The following RSBN1 variants were observed in gnomAD, a reference collection of about 807,000 sequenced individuals.
The protein encoded by RSBN1 is round spermatid basic protein 1, also known as lysine-specific demethylase 9.
RSBN1 carries 23 observed loss-of-function variants against 74.8 expected under a neutral mutation model. The observed-to-expected ratio is 0.31, with a 90% CI of 0.22 to 0.44. RSBN1 has a LOEUF of 0.44. Ranked by LOEUF, RSBN1 falls within the 20% of genes least tolerant of loss-of-function variation. The pLI, the probability that RSBN1 is intolerant of heterozygous loss-of-function variation, is 1.00. For missense variants in RSBN1, 808 were observed against 1,020.9 expected (o/e 0.79, Z 2.84); for synonymous variants, 407 against 379.6 (o/e 1.07, Z -0.84).
chr1:113,797,471 T>G lies in RSBN1; in HGVS notation c.1269A>C (p.Pro423=), dbSNP rs780981905. The G allele has an allele frequency of 1.9e-6, 3 of 1,614,064 alleles. No homozygotes were observed. In the South Asian group the frequency reaches 3.3e-5, roughly 18 times the overall value. ...AIVHGAAAYL[P]DFLDYFAFNF... is the part of the protein sequence containing the mutation. Reference sequence around the variant, plus strand: ...TAAAAGCAAAGTAGTCCAAGAAGTCTGGGAGATAAGCAGCCGCTCCATGCA... The same window carrying G: ...TAAAAGCAAAGTAGTCCAAGAAGTCGGGGAGATAAGCAGCCGCTCCATGCA... The change falls in exon 2 of 7, where the codon CCA becomes CCC. Residue 423 remains proline, a synonymous_variant. Coordinates refer to ENST00000261441, the MANE Select transcript of RSBN1 (RefSeq NM_018364.5).
Position 113,766,068 on chromosome 1 carries a change from G to A in RSBN1, c.2321C>T (p.Thr774Ile), listed in dbSNP as rs745846855. 6 of 1,613,966 alleles carry A rather than the reference G, an allele frequency of 3.7e-6. No individual in the cohort carries two copies. Among genetic ancestry groups the A allele is most frequent in the Non-Finnish European group, 5.1e-6 (6 of 1,179,966 alleles). The change falls in exon 7 of 7, where the codon ACT becomes ATT. Residue 774 changes from threonine to isoleucine, a missense_variant. By Grantham distance (89) the Thr-to-Ile change is moderately conservative (BLOSUM62 -1). Transcript: ENST00000261441. ...CACTTTTAAAACTGGAATAGGCTGA[G>A]TCTTCTGATCTTGCTGTAGATTAAG... ...SELNLQQDQK[T>I]QPIPVLKVES...
At chr1:113,787,312 TA>T (rs1336669321) in intron 2 of RSBN1, among the ~76,000 whole-genome samples, 3 of 152,174 alleles carry the variant, frequency 2.0e-5, no homozygotes, top group Non-Finnish European at 4.4e-5. Flanking sequence ...ATATCAAGGC[TA>T]AAATCCCAGA....
chr1:113,798,104 C>T (rs1660510392), intron 1 of RSBN1, 68 bp from the exon 2 acceptor site: 2 of 1,372,760 alleles, frequency 1.5e-6, no homozygotes, highest in African/African-American at 1.5e-5. Context: ...TCTTAAGGTA[C>T]TTGATCTCAT....
At position 113,761,874 on chromosome 1, in the gene RSBN1, AG is replaced by A. The variant is rs1659684822; in HGVS notation, c.*4105del. ...TTTTTTTATTAAAAAAATACTTTAC[AG>A]GAAAAAAAAAAACTATGCATTCCAT... On this transcript the variant is annotated 3_prime_UTR_variant, in exon 7 of 7. Transcript: ENST00000261441. 1 of 152,564 alleles carries A rather than the reference AG, an allele frequency of 6.6e-6. No homozygotes were observed. Among genetic ancestry groups the A allele is most frequent in the Non-Finnish European group, 1.5e-5 (1 of 67,996 alleles). The allele number at this position is 152,564 out of a possible 1,614,324, so 9.5% of individuals were successfully genotyped here. A position where few individuals can be genotyped will look rare whatever the true frequency, so the allele number is the denominator to read the frequency against.
intron 4 of RSBN1, among the ~76,000 whole-genome samples, chr1:113,773,435 A>T (rs1050707890): frequency 6.6e-6 from 1 of 151,542 alleles, no homozygotes; most frequent in Non-Finnish European, 1.5e-5. Context: ...GAGGCATGAG[A>T]TCACTTGAAC....
Position 113,768,403 on chromosome 1 carries a change from G to A in RSBN1, c.1659-14C>T. The A allele has an allele frequency of 6.4e-7, 1 of 1,561,318 alleles. No individual in the cohort carries two copies. The highest frequency in any genetic ancestry group is 1.9e-5 in the Admixed American group (1 of 53,172). Reference sequence around the variant, plus strand: ...TCATTCATTGATCTAGAGTTGATTTGGTTGTTAAACAAAGGGTAAGCAAGG... The same window carrying A: ...TCATTCATTGATCTAGAGTTGATTTAGTTGTTAAACAAAGGGTAAGCAAGG... On this transcript the variant is annotated splice_polypyrimidine_tract_variant and intron_variant, in intron 4 of 6. Coordinates refer to ENST00000261441, the MANE Select transcript of RSBN1 (RefSeq NM_018364.5).
At chr1:113,783,593 C>G (rs943952743) in intron 2 of RSBN1, among the ~76,000 whole-genome samples, 4 of 152,164 alleles carry the variant, frequency 2.6e-5, no homozygotes, top group African/African-American at 9.7e-5. Context: ...AAGCTAGGCT[C>G]CCTGACAGCT....
intron 4 of RSBN1, among the ~76,000 whole-genome samples, chr1:113,771,336 T>C (rs1448968930): frequency 6.6e-6 from 1 of 152,074 alleles, no homozygotes; most frequent in Non-Finnish European, 1.5e-5. Context: ...ATACCTCCTT[T>C]TTCTTAAGAC....
intron 1 of RSBN1, among the ~76,000 whole-genome samples, chr1:113,804,234 TATC>T (rs1660651751): frequency 6.6e-6 from 1 of 152,360 alleles, no homozygotes; most frequent in South Asian, 2.1e-4. Flanking sequence ...ATAAGTCTCT[TATC>T]ATCTTGATTA....
chr1:113,797,332 T>C (rs1379104160), intron 2 of RSBN1, 31 bp downstream of exon 2: 2 of 761,356 alleles, frequency 2.6e-6, no homozygotes, highest in South Asian at 1.7e-5. Context: ...GAATCGTATT[T>C]ACTAATTTTT....
intron 4 of RSBN1, 69 bp downstream of exon 4, chr1:113,777,141 G>T: frequency 7.0e-7 from 1 of 1,430,892 alleles, no homozygotes; most frequent in Non-Finnish European, 9.6e-7. Context: ...TTTTCAAACT[G>T]TGCTCATTTT....
chr1:113,779,997 G>A (rs1273588256), intron 2 of RSBN1, among the ~76,000 whole-genome samples: 2 of 151,912 alleles, frequency 1.3e-5, no homozygotes, highest in East Asian at 1.9e-4. Context: ...TCCAGCCTGG[G>A]CGACAGGGCA....
chr1:113,777,429 G>A (rs1660053898), intron 3 of RSBN1, 77 bp from the exon 4 acceptor site: 4 of 1,420,194 alleles, frequency 2.8e-6, no homozygotes, highest in Admixed American at 2.1e-5. Flanking sequence ...CCAAATAAAA[G>A]TTCTAAGAAG....
At position 113,763,527 on chromosome 1, in the gene RSBN1, G is replaced by A. The variant is rs916881412; in HGVS notation, c.*2453C>T. The A allele has an allele frequency of 1.1e-4, 17 of 152,726 alleles. No homozygotes were observed. The highest frequency in any genetic ancestry group is 5.2e-4 in the Admixed American group (8 of 15,292). The allele number at this position is 152,726 out of a possible 1,614,324, so 9.5% of individuals were successfully genotyped here. ...TACAGCTTTGAAAGCAGTAAAAAAC[G>A]CAAAACTTCTGCTTTTATACTCATC... On this transcript the variant is annotated 3_prime_UTR_variant, in exon 7 of 7. Coordinates refer to ENST00000261441, the MANE Select transcript of RSBN1 (RefSeq NM_018364.5).
intron 4 of RSBN1, among the ~76,000 whole-genome samples, chr1:113,769,189 T>A (rs1207503013): frequency 6.6e-6 from 1 of 152,136 alleles, no homozygotes; most frequent in Non-Finnish European, 1.5e-5. Context: ...CCAAAACCTT[T>A]AAAAACCCTC....
chr1:113,775,426 C>T (rs1266245197), intron 4 of RSBN1, among the ~76,000 whole-genome samples: 2 of 152,014 alleles, frequency 1.3e-5, no homozygotes, highest in Non-Finnish European at 2.9e-5. Context: ...ACTGCGACCT[C>T]GGCCTCCTGA....
intron 2 of RSBN1, among the ~76,000 whole-genome samples, chr1:113,782,132 C>T (rs1660150523): frequency 6.6e-6 from 1 of 152,174 alleles, no homozygotes; most frequent in Non-Finnish European, 1.5e-5. Context: ...TCTAAATATA[C>T]ATTTCGCAAA....
At position 113,761,943 on chromosome 1, in the gene RSBN1, T is replaced by TA. The variant is rs1209712685; in HGVS notation, c.*4036dup. ...AAATAGCTTAACAATTTAACACACT[T>TA]AGACAGCTACAAAAAAGCACTGTGT... is the stretch of plus-strand genomic sequence containing the variant. On this transcript the variant is annotated 3_prime_UTR_variant, in exon 7 of 7. Coordinates refer to ENST00000261441, the MANE Select transcript of RSBN1 (RefSeq NM_018364.5). The TA allele has an allele frequency of 6.5e-6, 1 of 152,678 alleles. No homozygotes were observed. The highest frequency in any genetic ancestry group is 6.5e-5 in the Admixed American group (1 of 15,280). 9.5% of individuals were successfully genotyped at this position (152,678 alleles called of 1,614,324 possible). A position where few individuals can be genotyped will look rare whatever the true frequency, so the allele number is the denominator to read the frequency against.
rs1255153678 is a variant in RSBN1, at chr1:113,811,613, G to C, written c.703+97C>G. On this transcript the variant is annotated intron_variant, in intron 1 of 6. Transcript: ENST00000261441. ...AGCTTAGAGAAGTACAGCAGCAGAA[G>C]GTAAGCAGGGGTTTGGCGTCTTTCA... is the stretch of plus-strand genomic sequence containing the variant. 3 of 1,465,996 alleles carry C rather than the reference G, an allele frequency of 2.0e-6. No homozygotes were observed. The Admixed American group carries it at 7.7e-5, about 38-fold the overall frequency. The allele number at this position is 1,465,996 out of a possible 1,614,324, so 90.8% of individuals were successfully genotyped here. A position where few individuals can be genotyped will look rare whatever the true frequency, so the allele number is the denominator to read the frequency against.
Sources: allele counts gnomAD v4.1 joint callset (sites outside exome capture counted in the v4.1 genomes callset), GRCh38; gene constraint gnomAD v4.1.1; transcripts MANE v1.5; gene names NCBI Gene and HGNC (gene_info 2026-07-23, HGNC 2026-07-21).